Variants in IL31RA observed in about 807,000 individuals in gnomAD.
IL31RA encodes the protein interleukin-31 receptor subunit alpha.
A neutral mutation model predicts 83.7 loss-of-function variants in IL31RA; 66 were observed. The observed-to-expected ratio is 0.79, with a 90% CI of 0.65 to 0.97. IL31RA has a LOEUF of 0.97. Ranked by LOEUF, IL31RA falls within the 50% of genes least tolerant of loss-of-function variation. The probability of loss-of-function intolerance (pLI) is 0.00; values close to 1 mark genes in which losing one functional copy is unlikely to be tolerated. For missense variants in IL31RA, 798 were observed against 919.4 expected (o/e 0.87, Z 1.71); for synonymous variants, 325 against 329.0 (o/e 0.99, Z 0.13).
intron 5 of IL31RA, among the ~76,000 whole-genome samples, chr5:55,887,236 A>G (rs1354196789): frequency 6.6e-6 from 1 of 152,228 alleles, no homozygotes; most frequent in Non-Finnish European, 1.5e-5. Context: ...GGAAATCAAG[A>G]TGTTGAAAGC....
chr5:55,916,466 C>G (rs967299769), intron 14 of IL31RA, among the ~76,000 whole-genome samples, 178 bp from the exon 15 acceptor site: 3 of 152,098 alleles, frequency 2.0e-5, no homozygotes, highest in Non-Finnish European at 2.9e-5. Context: ...AAATGTGCCA[C>G]TCCTTCCAAG....
chr5:55,858,516 C>T (rs375213312), intron 1 of IL31RA, among the ~76,000 whole-genome samples: 1 of 152,272 alleles, frequency 6.6e-6, no homozygotes, highest in South Asian at 2.1e-4. Context: ...TTCCAATTCG[C>T]TAAGGATTTC....
chr5:55,874,947 A>G (rs1032274604), intron 4 of IL31RA, among the ~76,000 whole-genome samples: 4 of 152,106 alleles, frequency 2.6e-5, no homozygotes, highest in African/African-American at 9.7e-5. Flanking sequence ...CTTGTTCCTG[A>G]TCTTAGGGGG....
chr5:55,895,402 T>G (rs1748271142), intron 6 of IL31RA, among the ~76,000 whole-genome samples: 1 of 152,224 alleles, frequency 6.6e-6, no homozygotes, highest in South Asian at 2.1e-4. Context: ...CAAAACTTGC[T>G]TGAGACAGGA....
At chr5:55,906,958 T>C (rs1749194520) in intron 9 of IL31RA, among the ~76,000 whole-genome samples, 1 of 152,116 alleles carries the variant, frequency 6.6e-6, no homozygotes, top group Non-Finnish European at 1.5e-5. Context: ...TTAAGAATAA[T>C]ACACAGGCAG....
rs1235138364 is a variant in IL31RA, at chr5:55,886,268, C to CTTGCTCTTTTTTTTTTTTTTTTTTTTT, written c.606+3075_606+3076insGCTCTTTTTTTTTTTTTTTTTTTTTTT. Among the ~76,000 whole-genome samples, 6 of 71,510 alleles carry CTTGCTCTTTTTTTTTTTTTTTTTTTTT rather than the reference C, an allele frequency of 8.4e-5. 1 individual carries two copies. The highest frequency in any genetic ancestry group is 4.4e-4 in the African/African-American group (6 of 13,704). 46.9% of individuals were successfully genotyped at this position (71,510 alleles called of 152,430 possible). A position where few individuals can be genotyped will look rare whatever the true frequency, so the allele number is the denominator to read the frequency against. On this transcript the variant is annotated intron_variant, in intron 5 of 14. Coordinates refer to ENST00000652347, the MANE Select transcript of IL31RA (RefSeq NM_139017.7). The stretch of plus-strand genomic sequence containing the variant: ...GCTAGCTTGCTTGCTTGCTTGCTTG[C>CTTGCTCTTTTTTTTTTTTTTTTTTTTT]TTTTTTTTTTTTTTTTTTTTTTTGA...
At chr5:55,850,356 T>G (rs760574085), upstream of IL31RA, among the ~76,000 whole-genome samples, 25 of 152,186 alleles carry the variant, frequency 1.6e-4, no homozygotes, top group Admixed American at 4.6e-4. Flanking sequence ...TAGTCAGATG[T>G]TGGCTATTCT....
chr5:55,899,852 C>A (rs2112524918), intron 7 of IL31RA, 64 bp from the exon 8 acceptor site: 1 of 1,176,814 alleles, frequency 8.5e-7, no homozygotes, highest in Non-Finnish European at 1.3e-6. Flanking sequence ...CACCGCTTCT[C>A]ACTGTCTCAA....
At chr5:55,846,254 T>C in the IL31RA span, among the ~76,000 whole-genome samples, 2 of 152,336 alleles carry the variant, frequency 1.3e-5, no homozygotes, top group South Asian at 2.1e-4. Context: ...TTAGGACAGA[T>C]TTATGCCATT....
chr5:55,883,225 A>ATTTTTTTTTCTTTT (rs1561555087), intron 5 of IL31RA, 30 bp downstream of exon 5: 1 of 1,542,948 alleles, frequency 6.5e-7, no homozygotes, highest in African/African-American at 1.4e-5. Context: ...TAATATTCCA[A>ATTTTTTTTTCTTTT]TTAGAGGCCC....
intron 14 of IL31RA, among the ~76,000 whole-genome samples, chr5:55,915,429 G>A (rs1337859263): frequency 6.6e-6 from 1 of 152,148 alleles, no homozygotes; most frequent in Non-Finnish European, 1.5e-5. Flanking sequence ...ACTGGCATTG[G>A]GGTTTTCTAG....
rs1420320360 is a variant in IL31RA at position 55,872,356 on chromosome 5, T to C, written c.359T>C (p.Ile120Thr). ...RASCSFFLPR[I>T]TIPDNYTIEV... ...TCGTGCTCTTTTTTCCTTCCAAGAA[T>C]AACGATCCCAGATAATTATACCATT... is the stretch of plus-strand genomic sequence containing the variant. Residue 120 changes from isoleucine (I) to threonine (T), a missense_variant, in exon 4 of 15, where the codon ATA becomes ACA. Transcript: ENST00000652347. 1.2e-6 allele frequency: 2 copies of C among 1,611,912 alleles called. No homozygotes were observed. Among genetic ancestry groups the C allele is most frequent in the Non-Finnish European group, 1.7e-6 (2 of 1,178,214 alleles).
At chr5:55,890,963 G>A (rs543473127) in intron 6 of IL31RA, among the ~76,000 whole-genome samples, 4 of 152,136 alleles carry the variant, frequency 2.6e-5, no homozygotes, top group South Asian at 4.2e-4. Context: ...CAGTTTCCTC[G>A]CATTTATTCC....
rs1491566272 is a variant in IL31RA at position 55,867,168 on chromosome 5, CAT to C, written c.155-1622_155-1621del. On this transcript the variant is annotated intron_variant, in intron 2 of 14. Coordinates refer to ENST00000652347, the MANE Select transcript of IL31RA (RefSeq NM_139017.7). ...GTGTGCATGTGTGTTTGTGTGTGTGCATGTGTGTGTGCATGTGTGTTTGTGTG... is the reference window on the plus strand; with the variant it reads ...GTGTGCATGTGTGTTTGTGTGTGTGCGTGTGTGTGCATGTGTGTTTGTGTG... 1.5e-4 allele frequency among the ~76,000 whole-genome samples: 3 copies of C among 19,868 alleles called. 1 individual carries two copies. In the South Asian group the frequency reaches 7.0e-3, roughly 46 times the overall value. 13.0% of individuals were successfully genotyped at this position (19,868 alleles called of 152,430 possible). A position where few individuals can be genotyped will look rare whatever the true frequency, so the allele number is the denominator to read the frequency against.
At chr5:55,871,333 G>C (rs969576224) in intron 3 of IL31RA, among the ~76,000 whole-genome samples, 2 of 152,148 alleles carry the variant, frequency 1.3e-5, no homozygotes, top group African/African-American at 4.8e-5. Context: ...ATGTCTCCCT[G>C]TATGTATTCC....
At chr5:55,870,018 C>T (rs1335375287) in intron 3 of IL31RA, among the ~76,000 whole-genome samples, 3 of 152,122 alleles carry the variant, frequency 2.0e-5, no homozygotes, top group African/African-American at 7.2e-5. Context: ...GCTACGAGAA[C>T]CTATGTCAGA....
At chr5:55,910,711 C>T (rs779964107) in intron 12 of IL31RA, 39 bp downstream of exon 12, 46 of 1,608,190 alleles carry the variant, frequency 2.9e-5, no homozygotes, top group Non-Finnish European at 3.5e-5. Context: ...CTCTCCCTCA[C>T]GTTTACCTTA....
chr5:55,909,066 C>A, intron 11 of IL31RA: 1 of 207,024 alleles, frequency 4.8e-6, no homozygotes, highest in Non-Finnish European at 8.6e-6. Flanking sequence ...CTCCCACAGC[C>A]CCTGGCAACT....
chr5:55,902,167 ACACATATTTGCT>A (rs1489001126), intron 8 of IL31RA: 1 of 152,190 alleles, frequency 6.6e-6, no homozygotes, highest in Non-Finnish European at 1.5e-5. Flanking sequence ...TAACACAACC[ACACATATTTGCT>A]CACATATTAT....
Sources: allele counts gnomAD v4.1 joint callset (sites outside exome capture counted in the v4.1 genomes callset), GRCh38; gene constraint gnomAD v4.1.1; transcripts MANE v1.5; gene names NCBI Gene and HGNC (gene_info 2026-07-23, HGNC 2026-07-21).